The following TENM3 variants were observed in gnomAD, a reference collection of about 807,000 sequenced individuals.
The protein encoded by TENM3 is teneurin transmembrane protein 3.
Under a neutral mutation model 255.1 loss-of-function variants are expected in TENM3, and 63 were observed. The observed-to-expected ratio is 0.25, with a 90% CI of 0.20 to 0.30. The LOEUF is 0.30. TENM3 is among the 10% of genes least tolerant of loss of function. The pLI, the probability that TENM3 is intolerant of heterozygous loss-of-function variation, is 1.00. For missense variants in TENM3, 2,929 were observed against 3,461.1 expected (o/e 0.85, Z 3.86); for synonymous variants, 1,306 against 1,322.3 (o/e 0.99, Z 0.27).
At position 182,801,255 on chromosome 4, in the gene TENM3, A is replaced by G. The variant is rs930027223; in HGVS notation, c.*904A>G. 2.0e-5 allele frequency: 3 copies of G among 152,564 alleles called. No homozygotes were observed. Among genetic ancestry groups the G allele is most frequent in the African/African-American group, 4.8e-5 (2 of 41,438 alleles). 9.5% of individuals were successfully genotyped at this position (152,564 alleles called of 1,614,324 possible). A position where few individuals can be genotyped will look rare whatever the true frequency, so the allele number is the denominator to read the frequency against. ...TGTCCAGAAGTGTTAATATTTTTGT[A>G]TTAGGTTGAAAAAATGTGCAAGCTT... On this transcript the variant is annotated 3_prime_UTR_variant, in exon 28 of 28. Transcript: ENST00000511685.
intron 3 of TENM3, among the ~76,000 whole-genome samples, chr4:182,532,065 A>G (rs1175015791): frequency 2.0e-5 from 3 of 152,232 alleles, no homozygotes. Context: ...CACTATGACT[A>G]CATCAGAATT....
rs1034285677 is a variant in TENM3 at position 182,334,309 on chromosome 4, T to C, written c.232+10057T>C. Reference sequence around the variant, plus strand: ...AAACAGGACCTAAATAAATAATCAATGTTTTTGGATGGGAAGATGATACCA... The same window carrying C: ...AAACAGGACCTAAATAAATAATCAACGTTTTTGGATGGGAAGATGATACCA... On this transcript the variant is annotated intron_variant, in intron 2 of 27. Coordinates refer to ENST00000511685, the MANE Select transcript of TENM3 (RefSeq NM_001080477.4). Among the ~76,000 whole-genome samples the C allele has an allele frequency of 7.9e-5, 12 of 152,276 alleles. No homozygotes were observed. The East Asian group carries it at 2.3e-3, about 29-fold the overall frequency.
At chr4:182,404,854 A>G (rs1769450430) in intron 3 of TENM3, among the ~76,000 whole-genome samples, 1 of 152,222 alleles carries the variant, frequency 6.6e-6, no homozygotes, top group African/African-American at 2.4e-5. Flanking sequence ...CACAGCTGTG[A>G]GCTGAGGACA....
the TENM3 span, among the ~76,000 whole-genome samples, chr4:181,725,143 G>A: frequency 2.6e-5 from 4 of 152,092 alleles, no homozygotes; most frequent in African/African-American, 9.7e-5. Context: ...TTAGCTTAGC[G>A]TTCAGCATCC....
chr4:182,617,736 T>C (rs1241448456), intron 4 of TENM3, among the ~76,000 whole-genome samples: 1 of 152,210 alleles, frequency 6.6e-6, no homozygotes, highest in Non-Finnish European at 1.5e-5. Flanking sequence ...TTACTTTTTA[T>C]CGATTTACCT....
At chr4:182,348,813 T>G (rs1764996397) in intron 3 of TENM3, among the ~76,000 whole-genome samples, 1 of 152,184 alleles carries the variant, frequency 6.6e-6, no homozygotes, top group Non-Finnish European at 1.5e-5. Context: ...AAATATAAAC[T>G]TTGTAACCTT....
Position 182,800,892 on chromosome 4 carries a change from A to G in TENM3, c.*541A>G, listed in dbSNP as rs966329934. On this transcript the variant is annotated 3_prime_UTR_variant, in exon 28 of 28. Coordinates refer to ENST00000511685, the MANE Select transcript of TENM3 (RefSeq NM_001080477.4). ...ACAGTGACTTCTGCGGCGGGGATTT[A>G]TTAATGGATTTTACAATGCTAACGT... 4.6e-5 allele frequency: 7 copies of G among 152,610 alleles called. No individual in the cohort carries two copies. Among genetic ancestry groups the G allele is most frequent in the African/African-American group, 1.7e-4 (7 of 41,452 alleles). The allele number at this position is 152,610 out of a possible 1,614,324, so 9.5% of individuals were successfully genotyped here.
the TENM3 span, among the ~76,000 whole-genome samples, chr4:182,090,143 T>C: frequency 6.6e-6 from 1 of 152,236 alleles, no homozygotes; most frequent in African/African-American, 2.4e-5. Flanking sequence ...GTAACAGACT[T>C]CAAATTGTGT....
the TENM3 span, among the ~76,000 whole-genome samples, chr4:182,122,601 A>G: frequency 3.9e-5 from 6 of 152,196 alleles, no homozygotes; most frequent in Admixed American, 6.5e-5. Context: ...AAAATTTCCA[A>G]TAAACCATGG....
chr4:181,707,916 AAAT>A, the TENM3 span, among the ~76,000 whole-genome samples: 1 of 152,326 alleles, frequency 6.6e-6, no homozygotes, highest in East Asian at 1.9e-4. Context: ...ATTATGGAAA[AAAT>A]AAAGGCTATA....
At chr4:182,461,124 T>C (rs1774290875) in intron 3 of TENM3, among the ~76,000 whole-genome samples, 1 of 152,208 alleles carries the variant, frequency 6.6e-6, no homozygotes, top group Non-Finnish European at 1.5e-5. Context: ...GCAATCACAA[T>C]CATAATTTAT....
At chr4:182,497,100 C>G (rs1462834324) in intron 3 of TENM3, among the ~76,000 whole-genome samples, 1 of 151,412 alleles carries the variant, frequency 6.6e-6, no homozygotes, top group Non-Finnish European at 1.5e-5. Context: ...TGTCGCCAGG[C>G]TGGAATGCAG....
At chr4:182,298,734 A>G (rs953313982) in intron 1 of TENM3, among the ~76,000 whole-genome samples, 1 of 152,038 alleles carries the variant, frequency 6.6e-6, no homozygotes, top group Non-Finnish European at 1.5e-5. Context: ...GCACTTTGAG[A>G]AGCCGAGGCA....
chr4:182,766,869 C>T (rs1268625012), intron 22 of TENM3, among the ~76,000 whole-genome samples: 1 of 152,216 alleles, frequency 6.6e-6, no homozygotes, highest in Non-Finnish European at 1.5e-5. Flanking sequence ...AAGACATTCG[C>T]ATTGGGGTTA....
At chr4:181,495,563 G>C in the TENM3 span, among the ~76,000 whole-genome samples, 8 of 148,324 alleles carry the variant, frequency 5.4e-5, no homozygotes, top group African/African-American at 1.9e-4. Context: ...ACACGAGAGA[G>C]AGAGAGAGAG....
At chr4:182,420,341 C>T (rs542872149) in intron 3 of TENM3, among the ~76,000 whole-genome samples, 1 of 152,286 alleles carries the variant, frequency 6.6e-6, no homozygotes, top group Admixed American at 6.5e-5. Flanking sequence ...GCTACTGTCA[C>T]TCTGATTACT....
chr4:181,692,121 T>C, the TENM3 span, among the ~76,000 whole-genome samples: 1 of 152,204 alleles, frequency 6.6e-6, no homozygotes, highest in Non-Finnish European at 1.5e-5. Context: ...AAATGAATTT[T>C]ATGATTTACT....
At chr4:181,547,935 A>T in the TENM3 span, among the ~76,000 whole-genome samples, 1 of 151,986 alleles carries the variant, frequency 6.6e-6, no homozygotes, top group Non-Finnish European at 1.5e-5. Flanking sequence ...CATTACATAT[A>T]TCTCCTAATG....
the TENM3 span, among the ~76,000 whole-genome samples, chr4:181,920,167 T>C: frequency 6.6e-6 from 1 of 152,122 alleles, no homozygotes; most frequent in Non-Finnish European, 1.5e-5. Context: ...AAGTCTTTCC[T>C]ATTGTGAATA....
Sources: allele counts gnomAD v4.1 joint callset (sites outside exome capture counted in the v4.1 genomes callset), GRCh38; gene constraint gnomAD v4.1.1; transcripts MANE v1.5; gene names NCBI Gene and HGNC (gene_info 2026-07-23, HGNC 2026-07-21).